The following CEP128 variants were observed in gnomAD, a reference collection of about 807,000 sequenced individuals.
CEP128 encodes centrosomal protein 128kDa.
CEP128 carries 132 observed loss-of-function variants against 156.7 expected under a neutral mutation model. The observed-to-expected ratio is 0.84, with a 90% CI of 0.73 to 0.97. The LOEUF is 0.97. CEP128 is among the 50% of genes least tolerant of loss of function. The pLI is 0.00. For synonymous variants in CEP128, 469 were observed against 448.9 expected (o/e 1.04, Z -0.57); for missense variants, 1,252 against 1,281.9 (o/e 0.98, Z 0.36).
intron 19 of CEP128, among the ~76,000 whole-genome samples, chr14:80,601,402 G>A (rs1288395617): frequency 6.6e-6 from 1 of 151,900 alleles, no homozygotes. Flanking sequence ...AATTTTCGTG[G>A]GCCACACATA....
At chr14:80,902,678 T>G (rs1031314413) in intron 6 of CEP128, among the ~76,000 whole-genome samples, 1 of 152,174 alleles carries the variant, frequency 6.6e-6, no homozygotes, top group Admixed American at 6.5e-5. Flanking sequence ...TCAGAAATCT[T>G]TAGTGAATAA....
chr14:80,699,086 A>C (rs1287285496), intron 19 of CEP128, among the ~76,000 whole-genome samples: 1 of 152,190 alleles, frequency 6.6e-6, no homozygotes, highest in Non-Finnish European at 1.5e-5. Context: ...AATCCGATAG[A>C]CCTGATACTC....
chr14:80,886,841 GA>G (rs1453223214), intron 8 of CEP128, among the ~76,000 whole-genome samples: 14 of 152,250 alleles, frequency 9.2e-5, no homozygotes, highest in African/African-American at 3.4e-4. Context: ...TGGCAAATTG[GA>G]AAAAGAGTCA....
chr14:80,827,838 TG>T (rs1347157085), intron 13 of CEP128, among the ~76,000 whole-genome samples: 2 of 152,196 alleles, frequency 1.3e-5, no homozygotes, highest in Non-Finnish European at 2.9e-5. Flanking sequence ...ATCAGTGAAG[TG>T]GTACTCTTTT....
intron 8 of CEP128, among the ~76,000 whole-genome samples, chr14:80,892,989 G>A (rs1169744609): frequency 6.6e-6 from 1 of 151,806 alleles, no homozygotes; most frequent in Non-Finnish European, 1.5e-5. Context: ...ATACCCAAAG[G>A]AAATAAAATC....
At chr14:80,685,593 T>A (rs920230920) in intron 19 of CEP128, among the ~76,000 whole-genome samples, 1 of 151,660 alleles carries the variant, frequency 6.6e-6, no homozygotes, top group Non-Finnish European at 1.5e-5. Flanking sequence ...ACTAAAAAAA[T>A]TAAATATAAA....
chr14:80,879,101 A>G (rs1411355624), intron 8 of CEP128, among the ~76,000 whole-genome samples: 5 of 152,146 alleles, frequency 3.3e-5, no homozygotes, highest in Non-Finnish European at 7.4e-5. Context: ...CAACTGAAAA[A>G]ACTTCACAGA....
intron 15 of CEP128, among the ~76,000 whole-genome samples, chr14:80,781,298 A>C (rs1243276133): frequency 6.6e-6 from 1 of 152,032 alleles, no homozygotes; most frequent in Admixed American, 6.6e-5. Context: ...CTCTACTAAA[A>C]ATACAAAAAT....
At chr14:80,814,110 A>G (rs1197081385) in intron 13 of CEP128, among the ~76,000 whole-genome samples, 1 of 152,140 alleles carries the variant, frequency 6.6e-6, no homozygotes, top group African/African-American at 2.4e-5. Flanking sequence ...CTGCACATTC[A>G]AGATGGTTTT....
intron 7 of CEP128, 136 bp downstream of exon 7, chr14:80,899,798 AACTG>A (rs1883424894): frequency 1.8e-6 from 1 of 564,778 alleles, no homozygotes; most frequent in Non-Finnish European, 3.1e-6. Flanking sequence ...AAGGGCTGTA[AACTG>A]TTCTGTTAAT....
chr14:80,567,974 C>T (rs8014418), intron 20 of CEP128, among the ~76,000 whole-genome samples: 85,595 of 151,462 alleles, frequency 0.57, 24,441 homozygotes, highest in East Asian at 0.72. Flanking sequence ...CGACACCAGT[C>T]GTGAGGTTAG....
chr14:80,515,001 C>A (rs556865068), intron 23 of CEP128, among the ~76,000 whole-genome samples: 33 of 152,284 alleles, frequency 2.2e-4, no homozygotes, highest in Non-Finnish European at 4.0e-4. Flanking sequence ...TATTGCGTGG[C>A]GGTCTTGAAT....
exon 15 of CEP128, chr14:80,478,350 T>A (rs1328856868): frequency 6.6e-6 from 1 of 152,092 alleles, no homozygotes; most frequent in East Asian, 1.9e-4. Context: ...AGCAGTGTAG[T>A]GTGGTTGACA....
chr14:80,716,007 T>G (rs748379752), intron 19 of CEP128, among the ~76,000 whole-genome samples: 2 of 152,174 alleles, frequency 1.3e-5, no homozygotes, highest in African/African-American at 2.4e-5. Context: ...AATAAATAAC[T>G]GGATGAATGT....
intron 13 of CEP128, among the ~76,000 whole-genome samples, chr14:80,809,696 G>A (rs1427466321): frequency 6.6e-6 from 1 of 152,010 alleles, no homozygotes; most frequent in Non-Finnish European, 1.5e-5. Context: ...TATACCAAGA[G>A]GGAATGGGAA....
intron 8 of CEP128, among the ~76,000 whole-genome samples, chr14:80,868,236 T>C (rs1887865134): frequency 6.6e-6 from 1 of 152,204 alleles, no homozygotes; most frequent in African/African-American, 2.4e-5. Context: ...CAAATTATAA[T>C]ACTCTAATAC....
chr14:80,853,092 A>C (rs1312849367), intron 9 of CEP128, among the ~76,000 whole-genome samples: 1 of 151,778 alleles, frequency 6.6e-6, no homozygotes, highest in African/African-American at 2.4e-5. Flanking sequence ...ATGATTTTTA[A>C]AATAAATAAA....
At chr14:80,685,082 T>C (rs561038493) in intron 19 of CEP128, among the ~76,000 whole-genome samples, 3 of 152,150 alleles carry the variant, frequency 2.0e-5, no homozygotes, top group Admixed American at 6.5e-5. Flanking sequence ...AACATAGTAA[T>C]AGAAGTTCTA....
intron 12 of CEP128, among the ~76,000 whole-genome samples, chr14:80,833,232 T>C (rs148242385): frequency 6.9e-4 from 105 of 151,942 alleles, no homozygotes; most frequent in African/African-American, 2.2e-3. Flanking sequence ...TATTGATACG[T>C]TTCTTGATAT....
Sources: gnomAD v4.1 joint callset for allele counts (sites outside exome capture counted in the v4.1 genomes callset) on GRCh38, gnomAD v4.1.1 for gene constraint, MANE v1.5 for transcripts, NCBI Gene and HGNC (gene_info 2026-07-23, HGNC 2026-07-21) for gene names.